Variants in NPLOC4 observed in about 807,000 individuals in gnomAD.
NPLOC4 encodes the protein nuclear protein localization protein 4 homolog.
In NPLOC4, 18 loss-of-function variants were observed where a neutral mutation model predicts 80.6. The observed-to-expected ratio is 0.22, with a 90% confidence interval of 0.15 to 0.33. The LOEUF (loss-of-function observed/expected upper bound fraction) is 0.33. Among genes scored for constraint, NPLOC4 ranks in the 10% least tolerant of loss-of-function variants. The pLI is 1.00. For missense variants in NPLOC4, 540 were observed against 786.1 expected (o/e 0.69, Z 3.74); for synonymous variants, 313 against 301.5 (o/e 1.04, Z -0.39).
chr17:81,604,916 G>A (rs1331206932), intron 7 of NPLOC4, among the ~76,000 whole-genome samples, 189 bp from the exon 8 acceptor site: 1 of 152,136 alleles, frequency 6.6e-6, no homozygotes, highest in Non-Finnish European at 1.5e-5. Context: ...CTTAAGCCCA[G>A]GAGTTCAAGT....
chr17:81,605,819 A>G (rs185346351), intron 7 of NPLOC4, among the ~76,000 whole-genome samples: 81,601 of 146,484 alleles, frequency 0.56, 23,698 homozygotes, highest in Non-Finnish European at 0.67. Context: ...AAACAAACAC[A>G]TTTTCTTTTT....
At chr17:81,574,822 T>C (rs1355272211) in intron 12 of NPLOC4, among the ~76,000 whole-genome samples, 2 of 152,052 alleles carry the variant, frequency 1.3e-5, no homozygotes, top group African/African-American at 2.4e-5. Context: ...GAGACCAGAC[T>C]GGACAACGTG....
Position 81,557,681 on chromosome 17 carries a change from G to C in NPLOC4, c.*1578C>G, listed in dbSNP as rs1353329305. ...CAGCTGCTAGGAGGGAGAGCAGACA[G>C]CCCGCGGTGGGCAAGCTGGGAGTTG... On this transcript the variant is annotated 3_prime_UTR_variant, in exon 17 of 17. Coordinates refer to ENST00000331134, the MANE Select transcript of NPLOC4 (RefSeq NM_017921.4). 6.6e-6 allele frequency: 1 copy of C among 152,332 alleles called. No individual in the cohort carries two copies. Among genetic ancestry groups the C allele is most frequent in the Non-Finnish European group, 1.5e-5 (1 of 68,126 alleles). 9.4% of individuals were successfully genotyped at this position (152,332 alleles called of 1,614,324 possible). A position where few individuals can be genotyped will look rare whatever the true frequency, so the allele number is the denominator to read the frequency against.
At position 81,572,131 on chromosome 17, in the gene NPLOC4, G is replaced by C; in HGVS notation, c.1282-43C>G. 7.8e-7 allele frequency: 1 copy of C among 1,290,034 alleles called. No homozygotes were observed. 79.9% of individuals were successfully genotyped at this position (1,290,034 alleles called of 1,614,324 possible). A position where few individuals can be genotyped will look rare whatever the true frequency, so the allele number is the denominator to read the frequency against. ...GAACAGCGGTGAGCAAAGACGATCA[G>C]TAGTAATGATTTTCCTTTCACATGC... On this transcript the variant is annotated intron_variant, in intron 12 of 16. Coordinates refer to ENST00000331134, the MANE Select transcript of NPLOC4 (RefSeq NM_017921.4). The surrounding 1 kb of genome is among the most constrained non-coding windows in gnomAD (Gnocchi z 4.5).
intron 4 of NPLOC4, chr17:81,612,816 T>C (rs1202090071): frequency 6.6e-6 from 1 of 152,666 alleles, no homozygotes; most frequent in Non-Finnish European, 1.5e-5. Flanking sequence ...GCAAGTGAAA[T>C]GCTTGCTGCA....
chr17:81,584,574 A>G (rs1454832208), intron 12 of NPLOC4, among the ~76,000 whole-genome samples: 1 of 152,254 alleles, frequency 6.6e-6, no homozygotes, highest in African/African-American at 2.4e-5. Context: ...GCTGTTTGGG[A>G]GATCCCAGGC....
intron 16 of NPLOC4, chr17:81,564,545 T>A (rs1264990588): frequency 6.6e-6 from 1 of 152,168 alleles, no homozygotes; most frequent in African/African-American, 2.4e-5. Flanking sequence ...ATCCCAACAC[T>A]CTGGGAGGCA....
rs1264298081 is a variant in NPLOC4 at position 81,559,248 on chromosome 17, G to A, written c.*11C>T. The A allele has an allele frequency of 6.3e-7, 1 of 1,594,412 alleles. No individual in the cohort carries two copies. The highest frequency in any genetic ancestry group is 8.5e-7 in the Non-Finnish European group (1 of 1,171,676). ...GCTGGGCCCGGTCCTAGCCAGCAGA[G>A]GGCAGGCGCCCTAGGTCCTGGGGAG... On this transcript the variant is annotated 3_prime_UTR_variant, in exon 17 of 17. Transcript: ENST00000331134.
At chr17:81,608,643 T>C (rs2035265279) in intron 6 of NPLOC4, 85 bp downstream of exon 6, 1 of 929,214 alleles carries the variant, frequency 1.1e-6, no homozygotes, top group Non-Finnish European at 1.7e-6. Context: ...ACTTCTCTCA[T>C]TCACACGTTC....
At chr17:81,635,936 T>A (rs894158556) in intron 1 of NPLOC4, among the ~76,000 whole-genome samples, 2 of 151,838 alleles carry the variant, frequency 1.3e-5, no homozygotes, top group African/African-American at 4.9e-5. Flanking sequence ...TTCTGATTTG[T>A]CACTGATATT....
At position 81,567,070 on chromosome 17, in the gene NPLOC4, G is replaced by A. The variant is rs1359318932; in HGVS notation, c.1566+347C>T. 2 of 236,646 alleles carry A rather than the reference G, an allele frequency of 8.5e-6. No individual in the cohort carries two copies. Among genetic ancestry groups the A allele is most frequent in the African/African-American group, 4.5e-5 (2 of 44,228 alleles). The allele number at this position is 236,646 out of a possible 1,614,324, so 14.7% of individuals were successfully genotyped here. On this transcript the variant is annotated intron_variant, in intron 15 of 16. Transcript: ENST00000331134. This position sits in a 1 kb window ranked among gnomAD's most constrained non-coding sequence, Gnocchi z 4.5. ...AGAGGCTGTGACTCTGAAACTGTTA[G>A]AACAGGAATTTTTTAAACTGTCTAA...
chr17:81,630,457 T>C (rs550420219), intron 1 of NPLOC4, among the ~76,000 whole-genome samples: 1 of 152,266 alleles, frequency 6.6e-6, no homozygotes, highest in Admixed American at 6.5e-5. Flanking sequence ...AGGTTAATTT[T>C]TTTTTTTGTA....
intron 6 of NPLOC4, among the ~76,000 whole-genome samples, chr17:81,607,033 T>C (rs1237318851): frequency 6.6e-6 from 1 of 152,168 alleles, no homozygotes; most frequent in African/African-American, 2.4e-5. Flanking sequence ...ACTTCAACCA[T>C]ACAGGAACAC....
rs1414329717 is a variant in NPLOC4, at chr17:81,580,551, C to G, written c.1281+8393G>C. On this transcript the variant is annotated intron_variant, in intron 12 of 16. Coordinates refer to ENST00000331134, the MANE Select transcript of NPLOC4 (RefSeq NM_017921.4). This position sits in a 1 kb window ranked among gnomAD's most constrained non-coding sequence, Gnocchi z 4.4. The stretch of plus-strand genomic sequence containing the variant: ...AGCAGGCCACCCTGCTTATCACTCT[C>G]TGTGTGGGGAACAGGCTGCTGCCTC... Among the ~76,000 whole-genome samples the G allele has an allele frequency of 1.3e-5, 2 of 152,164 alleles. No homozygotes were observed. The highest frequency in any genetic ancestry group is 6.5e-5 in the Admixed American group (1 of 15,278).
intron 1 of NPLOC4, among the ~76,000 whole-genome samples, chr17:81,634,661 C>G (rs1236095351): frequency 1.3e-5 from 2 of 151,226 alleles, no homozygotes; most frequent in Non-Finnish European, 2.9e-5. Flanking sequence ...TCTGGGCTCA[C>G]TGCAACCTCC....
chr17:81,557,447 A>ATCC lies in NPLOC4; in HGVS notation c.*1811_*1812insGGA, dbSNP rs1485914180. The ATCC allele has an allele frequency of 2.0e-5, 3 of 152,316 alleles. No homozygotes were observed. The highest frequency in any genetic ancestry group is 4.8e-5 in the African/African-American group (2 of 41,460). The allele number at this position is 152,316 out of a possible 1,614,324, so 9.4% of individuals were successfully genotyped here. On this transcript the variant is annotated 3_prime_UTR_variant, in exon 17 of 17. Transcript: ENST00000331134. Reference sequence around the variant, plus strand: ...GGAAATGCTGGTGGAGGACAACGGAAACTATAATAGCGTGGTGGATAAGGA... The same window carrying ATCC: ...GGAAATGCTGGTGGAGGACAACGGAATCCACTATAATAGCGTGGTGGATAAGGA...
At chr17:81,623,527 G>C (rs1031798105) in intron 2 of NPLOC4, among the ~76,000 whole-genome samples, 1 of 151,024 alleles carries the variant, frequency 6.6e-6, no homozygotes, top group Non-Finnish European at 1.5e-5. Context: ...GGCCGGGCGC[G>C]GTGGCTGACG....
chr17:81,627,277 A>G (rs2144321086), intron 2 of NPLOC4, among the ~76,000 whole-genome samples: 1 of 152,090 alleles, frequency 6.6e-6, no homozygotes, highest in Admixed American at 6.6e-5. Flanking sequence ...CTGTAGTCCC[A>G]GCTACTCGGG....
At chr17:81,601,541 G>A (rs1272586925) in intron 8 of NPLOC4, among the ~76,000 whole-genome samples, 1 of 152,160 alleles carries the variant, frequency 6.6e-6, no homozygotes, top group African/African-American at 2.4e-5. Context: ...ATAGATGTGA[G>A]CCACCACGGC....
Sources: allele counts gnomAD v4.1 joint callset (sites outside exome capture counted in the v4.1 genomes callset), GRCh38; gene constraint gnomAD v4.1.1; non-coding constraint Gnocchi (gnomAD v3.1); transcripts MANE v1.5; gene names NCBI Gene and HGNC (gene_info 2026-07-23, HGNC 2026-07-21).